Variants in CFAP54 observed in about 807,000 individuals in gnomAD.
CFAP54 encodes the protein cilia- and flagella-associated protein 54.
Under a neutral mutation model 370.4 loss-of-function variants are expected in CFAP54, and 290 were observed. The observed-to-expected ratio is 0.78, with a 90% CI of 0.71 to 0.86. CFAP54 has a LOEUF of 0.86. Among genes scored for constraint, CFAP54 ranks in the 40% least tolerant of loss-of-function variants. The pLI is 0.00. For missense variants in CFAP54, 3,399 were observed against 3,528.7 expected (o/e 0.96, Z 0.93); for synonymous variants, 1,206 against 1,236.5 (o/e 0.98, Z 0.52).
At chr12:96,721,666 C>T (rs1169269491) in intron 50 of CFAP54, among the ~76,000 whole-genome samples, 2 of 152,134 alleles carry the variant, frequency 1.3e-5, no homozygotes, top group African/African-American at 4.8e-5. Context: ...TTCATTAATT[C>T]GTTTAAAAAA....
intron 32 of CFAP54, among the ~76,000 whole-genome samples, chr12:96,640,510 T>A (rs1336145986): frequency 1.3e-5 from 2 of 152,174 alleles, no homozygotes; most frequent in African/African-American, 4.8e-5. Context: ...CCAAGGTAAT[T>A]TATAGATTCA....
In CFAP54 at chr12:96,601,316, G is replaced by A. The variant is rs552829747; in HGVS notation, c.3639+2549G>A. Among the ~76,000 whole-genome samples, 48 of 152,212 alleles carry A rather than the reference G, an allele frequency of 3.2e-4. 2 individuals are homozygous for A. The highest frequency in any genetic ancestry group is 3.9e-4 in the East Asian group (2 of 5,182). The stretch of plus-strand genomic sequence containing the variant: ...TCCCAGGGATGAAGCCCACTTGATC[G>A]TGGTGGATAAGCTTTTTGATGTGCT... On this transcript the variant is annotated intron_variant, in intron 26 of 67. Transcript: ENST00000524981.
At chr12:96,663,278 C>T (rs572567219) in intron 38 of CFAP54, among the ~76,000 whole-genome samples, 13 of 152,236 alleles carry the variant, frequency 8.5e-5, no homozygotes, top group Admixed American at 8.5e-4. Flanking sequence ...TAGGTTAGTT[C>T]AAGGGATGGG....
intron 39 of CFAP54, among the ~76,000 whole-genome samples, chr12:96,670,807 C>T (rs1358185601): frequency 6.6e-6 from 1 of 152,176 alleles, no homozygotes; most frequent in African/African-American, 2.4e-5. Flanking sequence ...TGGTCATTGT[C>T]ACCGGCCTTT....
intron 48 of CFAP54, among the ~76,000 whole-genome samples, chr12:96,713,517 T>C (rs1477922792): frequency 2.6e-5 from 4 of 152,174 alleles, no homozygotes; most frequent in African/African-American, 9.7e-5. Context: ...CTGAAAACTA[T>C]TTATTACCTC....
intron 34 of CFAP54, 36 bp downstream of exon 34, chr12:96,648,053 T>G (rs1956817613): frequency 4.9e-6 from 7 of 1,442,966 alleles, no homozygotes; most frequent in Non-Finnish European, 6.4e-6. Context: ...TTAAATTACC[T>G]CTAGATTTTT....
intron 36 of CFAP54, 79 bp downstream of exon 36, chr12:96,651,894 G>T (rs1592688364): frequency 8.8e-5 from 61 of 689,754 alleles, no homozygotes; most frequent in South Asian, 3.0e-4. Context: ...AGTAGAAACT[G>T]TTTTTTTTTT....
At chr12:96,726,028 A>C (rs1188450960) in intron 50 of CFAP54, among the ~76,000 whole-genome samples, 4 of 145,934 alleles carry the variant, frequency 2.7e-5, no homozygotes, top group Non-Finnish European at 6.1e-5. Flanking sequence ...GATGAAGCCC[A>C]CTTGATCATG....
In CFAP54 at chr12:96,535,500, A is replaced by G. The variant is rs753773951; in HGVS notation, c.1706-15A>G. ...TGATTTTTTTGTTTCATTTTCCTCT[A>G]CTTTATGAACTTAGATACTTGTTTG... On this transcript the variant is annotated splice_polypyrimidine_tract_variant and intron_variant, in intron 11 of 67. Coordinates refer to ENST00000524981, the MANE Select transcript of CFAP54 (RefSeq NM_001306084.2). 1.2e-4 allele frequency: 186 copies of G among 1,501,132 alleles called. No individual in the cohort carries two copies. The highest frequency in any genetic ancestry group is 3.4e-4 in the Middle Eastern group (2 of 5,938). The allele number at this position is 1,501,132 out of a possible 1,614,324, so 93.0% of individuals were successfully genotyped here.
chr12:96,854,522 T>C (rs938789475), intron 66 of CFAP54, among the ~76,000 whole-genome samples: 1 of 152,114 alleles, frequency 6.6e-6, no homozygotes, highest in Non-Finnish European at 1.5e-5. Context: ...AGAGAATCAA[T>C]AGTACAAAAA....
intron 58 of CFAP54, among the ~76,000 whole-genome samples, chr12:96,760,473 C>T (rs1339598358): frequency 6.6e-6 from 1 of 152,180 alleles, no homozygotes; most frequent in Non-Finnish European, 1.5e-5. Context: ...AACCACCAAA[C>T]TGTTTTCTGT....
intron 46 of CFAP54, among the ~76,000 whole-genome samples, chr12:96,701,371 T>C (rs1422450516): frequency 6.6e-6 from 1 of 152,072 alleles, no homozygotes; most frequent in Non-Finnish European, 1.5e-5. Flanking sequence ...TAAAAAAATA[T>C]TTTTTGAGTG....
At chr12:96,526,705 C>A (rs1955385491) in intron 8 of CFAP54, among the ~76,000 whole-genome samples, 1 of 152,080 alleles carries the variant, frequency 6.6e-6, no homozygotes, top group Admixed American at 6.6e-5. Context: ...TTAATGCTGC[C>A]TTGGAAACAC....
At chr12:96,536,342 A>G (rs1042602044) in intron 12 of CFAP54, among the ~76,000 whole-genome samples, 1 of 152,124 alleles carries the variant, frequency 6.6e-6, no homozygotes, top group African/African-American at 2.4e-5. Flanking sequence ...ATTTGGTTAT[A>G]TTGTCATTTT....
intron 65 of CFAP54, among the ~76,000 whole-genome samples, chr12:96,824,799 C>T (rs1041991286): frequency 6.6e-6 from 1 of 152,238 alleles, no homozygotes; most frequent in East Asian, 1.9e-4. Context: ...AAACTGTGGT[C>T]AAATTATCTT....
Position 96,547,954 on chromosome 12 carries a change from C to A in CFAP54, c.2130C>A (p.Ile710=), listed in dbSNP as rs1435096543. Residue 710 remains isoleucine, a synonymous_variant, in exon 15 of 68, where the codon ATC becomes ATA. Coordinates refer to ENST00000524981, the MANE Select transcript of CFAP54 (RefSeq NM_001306084.2). The stretch of plus-strand genomic sequence containing the variant: ...AATTCCCTGGAGCTCCAAAAGGGAT[C>A]ACAGAAATTCTTCCAATATTACAGG... The part of the protein sequence containing the change: ...TNKFPGAPKG[I]TEILPILQKN... The A allele has an allele frequency of 2.0e-6, 3 of 1,488,172 alleles. No individual in the cohort carries two copies. In the South Asian group the frequency reaches 3.9e-5, roughly 19 times the overall value. 92.2% of individuals were successfully genotyped at this position (1,488,172 alleles called of 1,614,324 possible).
intron 39 of CFAP54, among the ~76,000 whole-genome samples, chr12:96,671,999 A>C (rs1008183680): frequency 6.6e-6 from 1 of 152,128 alleles, no homozygotes; most frequent in Non-Finnish European, 1.5e-5. Flanking sequence ...AGAAAGAAAA[A>C]GAAAGAAAGA....
intron 17 of CFAP54, among the ~76,000 whole-genome samples, chr12:96,557,575 A>C (rs1484346084): frequency 6.6e-6 from 1 of 152,146 alleles, no homozygotes; most frequent in Non-Finnish European, 1.5e-5. Context: ...AAACTGTGAT[A>C]TATTCATGTA....
intron 39 of CFAP54, among the ~76,000 whole-genome samples, chr12:96,672,453 A>G (rs1379352607): frequency 2.0e-5 from 3 of 152,202 alleles, no homozygotes; most frequent in African/African-American, 7.2e-5. Flanking sequence ...TGGAGATTTC[A>G]GAAGGAATGA....
Sources: allele counts gnomAD v4.1 joint callset (sites outside exome capture counted in the v4.1 genomes callset), GRCh38; gene constraint gnomAD v4.1.1; transcripts MANE v1.5; gene names NCBI Gene and HGNC (gene_info 2026-07-23, HGNC 2026-07-21).